ULK4: variants seen among roughly 807,000 people sequenced by gnomAD.
The protein encoded by ULK4 is inactive serine/threonine-protein kinase ULK4.
ULK4 carries 133 observed loss-of-function variants against 160.6 expected under a neutral mutation model. That is an observed-to-expected ratio of 0.83 (90% CI 0.72 to 0.96). ULK4 has a LOEUF of 0.96. Among genes scored for constraint, ULK4 ranks in the 40% least tolerant of loss-of-function variants. The pLI, the probability that ULK4 is intolerant of heterozygous loss-of-function variation, is 0.00. For synonymous variants in ULK4, 534 were observed against 539.8 expected, an observed-to-expected ratio of 0.99 and a Z score of 0.15; for missense variants, 1,580 against 1,499.5, an observed-to-expected ratio of 1.05 and a Z score of -0.89.
At chr3:41,878,081 GAAAA>G (rs35037891) in intron 17 of ULK4, among the ~76,000 whole-genome samples, 6,535 of 108,284 alleles carry the variant, frequency 0.06, 469 homozygotes, top group African/African-American at 0.2. Flanking sequence ...GCTCTACCAG[GAAAA>G]AAAAAAAAAA....
intron 22 of ULK4, among the ~76,000 whole-genome samples, chr3:41,735,774 T>C (rs1002778602): frequency 8.6e-5 from 13 of 151,266 alleles, no homozygotes; most frequent in African/African-American, 1.2e-4. Context: ...TGTATACATA[T>C]GTCATGTTGG....
At chr3:41,812,455 CA>C (rs34831277) in intron 19 of ULK4, among the ~76,000 whole-genome samples, 2 of 148,836 alleles carry the variant, frequency 1.3e-5, no homozygotes, top group Admixed American at 1.3e-4. Context: ...TATAACTGTT[CA>C]AAAAAAAAGA....
intron 31 of ULK4, among the ~76,000 whole-genome samples, chr3:41,574,276 A>G (rs1256387): frequency 0.42 from 64,005 of 151,924 alleles, 14,973 homozygotes; most frequent in Middle Eastern, 0.52. Flanking sequence ...TCCTCTTTCA[A>G]TTGGAGGTCC....
intron 30 of ULK4, among the ~76,000 whole-genome samples, chr3:41,631,266 T>C (rs939075160): frequency 1.3e-5 from 2 of 152,200 alleles, no homozygotes; most frequent in Non-Finnish European, 2.9e-5. Flanking sequence ...GCAGCGTTAG[T>C]ATAAATAAAT....
rs200937637 is a variant in ULK4, at chr3:41,454,859, A to AT, written c.3492+637dup. Among the ~76,000 whole-genome samples the AT allele has an allele frequency of 7.0e-4, 104 of 148,580 alleles. 2 individuals are homozygous for AT. In the South Asian group the frequency reaches 0.016, roughly 23 times the overall value. On this transcript the variant is annotated intron_variant, in intron 34 of 36. Coordinates refer to ENST00000301831, the MANE Select transcript of ULK4 (RefSeq NM_017886.4). ...AGGTGAACACCACCACGCCTGGCTA[A>AT]TTTTTTTTTTGTATTTTTAGTAGAG...
chr3:41,868,701 T>A (rs947905925), intron 17 of ULK4, among the ~76,000 whole-genome samples: 3 of 152,052 alleles, frequency 2.0e-5, no homozygotes, highest in African/African-American at 7.2e-5. Context: ...TTCATCATGT[T>A]GGTCAGAGTG....
intron 1 of ULK4, among the ~76,000 whole-genome samples, chr3:41,958,582 C>T (rs1041451476): frequency 1.3e-5 from 2 of 150,968 alleles, no homozygotes; most frequent in African/African-American, 4.9e-5. Flanking sequence ...AATGGTGGCG[C>T]GCACCTGTAA....
intron 34 of ULK4, among the ~76,000 whole-genome samples, chr3:41,413,444 A>G (rs955340332): frequency 6.6e-6 from 1 of 152,218 alleles, no homozygotes; most frequent in South Asian, 2.1e-4. Flanking sequence ...TGACAAAAGG[A>G]AAAATTGATA....
intron 32 of ULK4, among the ~76,000 whole-genome samples, chr3:41,476,928 A>T (rs1210161595): frequency 6.6e-6 from 1 of 152,158 alleles, no homozygotes; most frequent in Non-Finnish European, 1.5e-5. Context: ...AGGTATAGGA[A>T]ATAGAGAAAC....
intron 19 of ULK4, among the ~76,000 whole-genome samples, chr3:41,809,483 A>G: frequency 6.6e-6 from 1 of 152,206 alleles, no homozygotes; most frequent in South Asian, 2.1e-4. Context: ...CTCTTTATTG[A>G]AAAAGTAGGC....
At chr3:41,805,142 A>G (rs1219008225) in intron 19 of ULK4, among the ~76,000 whole-genome samples, 3 of 152,124 alleles carry the variant, frequency 2.0e-5, no homozygotes, top group Non-Finnish European at 4.4e-5. Context: ...ATTTGTTTGT[A>G]TCCTCTTTAA....
chr3:41,540,474 T>G (rs539248344), intron 32 of ULK4, among the ~76,000 whole-genome samples: 1 of 152,362 alleles, frequency 6.6e-6, no homozygotes, highest in Non-Finnish European at 1.5e-5. Context: ...TCTTTGCTAT[T>G]GTGGATAGTG....
chr3:41,463,296 A>G (rs1434991061), intron 32 of ULK4, 43 bp from the exon 33 acceptor site: 4 of 1,585,924 alleles, frequency 2.5e-6, no homozygotes, highest in African/African-American at 2.7e-5. Flanking sequence ...ATCATTAAGT[A>G]CACAAATGTG....
chr3:41,492,258 G>A (rs1481951162), intron 32 of ULK4, among the ~76,000 whole-genome samples: 1 of 152,114 alleles, frequency 6.6e-6, no homozygotes, highest in Non-Finnish European at 1.5e-5. Context: ...GCAATGGGAT[G>A]GCTGGGACAA....
chr3:41,601,360 A>C (rs1246027200), intron 31 of ULK4, among the ~76,000 whole-genome samples: 2 of 152,224 alleles, frequency 1.3e-5, no homozygotes, highest in Non-Finnish European at 2.9e-5. Flanking sequence ...TAAATGGGAG[A>C]GGGAAGACAC....
At chr3:41,882,020 T>C (rs1479897384) in intron 17 of ULK4, 2 of 495,774 alleles carry the variant, frequency 4.0e-6, no homozygotes, top group African/African-American at 4.2e-5. Flanking sequence ...ACCAGTAGAA[T>C]GAGGCCATCA....
chr3:41,314,970 G>C (rs1430267755), intron 35 of ULK4, among the ~76,000 whole-genome samples: 3 of 151,960 alleles, frequency 2.0e-5, no homozygotes, highest in Non-Finnish European at 4.4e-5. Context: ...GTATTTATCA[G>C]TATTTACTAT....
intron 34 of ULK4, among the ~76,000 whole-genome samples, chr3:41,403,125 G>A (rs947860123): frequency 2.0e-5 from 3 of 151,186 alleles, no homozygotes; most frequent in Non-Finnish European, 4.4e-5. Flanking sequence ...ACTCCAGCCT[G>A]GGCAACAAGA....
intron 32 of ULK4, among the ~76,000 whole-genome samples, chr3:41,485,172 G>T (rs1350959343): frequency 6.6e-6 from 1 of 152,110 alleles, no homozygotes; most frequent in South Asian, 2.1e-4. Flanking sequence ...AGACCATGTG[G>T]CTCCATGGTC....
Sources: gnomAD v4.1 joint callset for allele counts (sites outside exome capture counted in the v4.1 genomes callset) on GRCh38, gnomAD v4.1.1 for gene constraint, MANE v1.5 for transcripts, NCBI Gene and HGNC (gene_info 2026-07-23, HGNC 2026-07-21) for gene names.